Variants in THAP1 observed in about 807,000 individuals in gnomAD.
The protein encoded by THAP1 is THAP domain-containing protein 1.
THAP1 carries 6 observed loss-of-function variants against 18.2 expected under a neutral mutation model. That is an observed-to-expected ratio of 0.33 (90% CI 0.18 to 0.65). THAP1 has a LOEUF of 0.65. Ranked by LOEUF, THAP1 falls within the 30% of genes least tolerant of loss-of-function variation. The pLI, the probability that THAP1 is intolerant of heterozygous loss-of-function variation, is 0.74. For missense variants in THAP1, 176 were observed against 253.0 expected, an observed-to-expected ratio of 0.70 and a Z score of 2.06; for synonymous variants, 85 against 90.5, an observed-to-expected ratio of 0.94 and a Z score of 0.34.
At chr8:42,839,840 T>C (rs1196572142) in intron 1 of THAP1, among the ~76,000 whole-genome samples, 1 of 152,222 alleles carries the variant, frequency 6.6e-6, no homozygotes, top group East Asian at 1.9e-4. Context: ...CCACTGTGCC[T>C]GGCCCTCATT....
At chr8:42,842,762 G>A (rs1802746726) in intron 1 of THAP1, 1 of 183,772 alleles carries the variant, frequency 5.4e-6, no homozygotes, top group African/African-American at 2.4e-5. Context: ...GGCTCCGAAC[G>A]CGTCAACCCA....
At chr8:42,841,489 ATGT>A (rs1198946993) in intron 1 of THAP1, among the ~76,000 whole-genome samples, 1 of 151,960 alleles carries the variant, frequency 6.6e-6, no homozygotes, top group Admixed American at 6.6e-5. Flanking sequence ...GGATTTTGCC[ATGT>A]TGGCCAGGCT....
At position 42,838,187 on chromosome 8, in the gene THAP1, C is replaced by T; in HGVS notation, c.417G>A (p.Val139=). ...LSVFCDHNYT[V]EDTMHQRKRI... ...TTTTCCGCTGGTGCATTGTATCCTC[C>T]ACAGTATAGTTGTGGTCACAGAAAA... Residue 139 remains valine (V), a synonymous_variant, in exon 3 of 3, where the codon GTG becomes GTA. Transcript: ENST00000254250. 1 of 1,614,104 alleles carries T rather than the reference C, an allele frequency of 6.2e-7. No individual in the cohort carries two copies. The highest frequency in any genetic ancestry group is 8.5e-7 in the Non-Finnish European group (1 of 1,180,038).
intron 1 of THAP1, among the ~76,000 whole-genome samples, chr8:42,842,098 T>A (rs1802729373): frequency 6.6e-6 from 1 of 152,244 alleles, no homozygotes; most frequent in Non-Finnish European, 1.5e-5. Flanking sequence ...TACCCCTGGA[T>A]CTGATTTCTT....
At position 42,839,121 on chromosome 8, in the gene THAP1, TTTAATC is replaced by T. The variant is rs1308787780; in HGVS notation, c.267+59_267+64del. On this transcript the variant is annotated intron_variant, in intron 2 of 2. Transcript: ENST00000254250. ...TTAACACTAACTCAATTTTCCACATTTTAATCAATGAACACATCAGTTTGATAAACA... is the reference window on the plus strand; with the variant it reads ...TTAACACTAACTCAATTTTCCACATTAATGAACACATCAGTTTGATAAACA... 112 of 1,570,158 alleles carry T rather than the reference TTTAATC, an allele frequency of 7.1e-5. No individual in the cohort carries two copies. The Middle Eastern group carries it at 1.7e-3, about 23-fold the overall frequency.
intron 1 of THAP1, among the ~76,000 whole-genome samples, chr8:42,839,666 G>A (rs781662756): frequency 1.3e-5 from 2 of 152,166 alleles, no homozygotes; most frequent in Non-Finnish European, 2.9e-5. Flanking sequence ...TCCTGCCTCA[G>A]CCTCCCAAGT....
chr8:42,841,991 A>C (rs1802727259), intron 1 of THAP1, among the ~76,000 whole-genome samples: 1 of 152,226 alleles, frequency 6.6e-6, no homozygotes, highest in African/African-American at 2.4e-5. Flanking sequence ...GCAAAAAAAT[A>C]AATTAACTGA....
Position 42,843,190 on chromosome 8 carries a change from T to C in THAP1, c.-96A>G, listed in dbSNP as rs1802761262. ...GCTCGGTTGGATTCCCTCGCTTCTT[T>C]TGTAGCTTTGGCCAACAGTTACAGT... On this transcript the variant is annotated 5_prime_UTR_variant, in exon 1 of 3. Coordinates refer to ENST00000254250, the MANE Select transcript of THAP1 (RefSeq NM_018105.3). 6.7e-7 allele frequency: 1 copy of C among 1,494,316 alleles called. No individual in the cohort carries two copies. Among genetic ancestry groups the C allele is most frequent in the South Asian group, 1.1e-5 (1 of 88,586 alleles). The allele number at this position is 1,494,316 out of a possible 1,614,324, so 92.6% of individuals were successfully genotyped here. A position where few individuals can be genotyped will look rare whatever the true frequency, so the allele number is the denominator to read the frequency against.
At chr8:42,838,489 C>A (rs1440154351) in intron 2 of THAP1, among the ~76,000 whole-genome samples, 153 bp from the exon 3 acceptor site, 1 of 152,074 alleles carries the variant, frequency 6.6e-6, no homozygotes, top group Non-Finnish European at 1.5e-5. Context: ...GAGTTTGAGA[C>A]CAGCCTGGCC....
Position 42,839,468 on chromosome 8 carries a change from C to T in THAP1, c.72-87G>A, listed in dbSNP as rs1046073047. ...ACTTTCCAGCTTAGGAAATATCTTA[C>T]ATTGGTATTAAAGATGTTACAATTG... is the stretch of plus-strand genomic sequence containing the variant. On this transcript the variant is annotated intron_variant, in intron 1 of 2. Transcript: ENST00000254250. 4.6e-6 allele frequency: 6 copies of T among 1,292,864 alleles called. No individual in the cohort carries two copies. The Admixed American group carries it at 8.9e-5, about 19-fold the overall frequency. 80.1% of individuals were successfully genotyped at this position (1,292,864 alleles called of 1,614,324 possible).
In THAP1 at chr8:42,843,199, T is replaced by C; in HGVS notation, c.-105A>G. 7.0e-7 allele frequency: 1 copy of C among 1,424,240 alleles called. No homozygotes were observed. Among genetic ancestry groups the C allele is most frequent in the Non-Finnish European group, 9.9e-7 (1 of 1,013,702 alleles). 88.2% of individuals were successfully genotyped at this position (1,424,240 alleles called of 1,614,324 possible). The stretch of plus-strand genomic sequence containing the variant: ...GATTCCCTCGCTTCTTTTGTAGCTT[T>C]GGCCAACAGTTACAGTGATGGTGGC... On this transcript the variant is annotated 5_prime_UTR_variant, in exon 1 of 3. Coordinates refer to ENST00000254250, the MANE Select transcript of THAP1 (RefSeq NM_018105.3).
rs998770170 is a variant in THAP1 at position 42,837,460 on chromosome 8, G to A, written c.*502C>T. The A allele has an allele frequency of 1.3e-5, 2 of 152,328 alleles. No individual in the cohort carries two copies. Among genetic ancestry groups the A allele is most frequent in the African/African-American group, 4.8e-5 (2 of 41,402 alleles). 9.4% of individuals were successfully genotyped at this position (152,328 alleles called of 1,614,324 possible). A position where few individuals can be genotyped will look rare whatever the true frequency, so the allele number is the denominator to read the frequency against. On this transcript the variant is annotated 3_prime_UTR_variant, in exon 3 of 3. Coordinates refer to ENST00000254250, the MANE Select transcript of THAP1 (RefSeq NM_018105.3). ...TTATCTTTGATAACTGATTCAGAAA[G>A]ATAAATGAACCTTGTGACTTTACAT...
chr8:42,842,920 C>A, intron 1 of THAP1, 104 bp downstream of exon 1: 1 of 912,226 alleles, frequency 1.1e-6, no homozygotes, highest in Non-Finnish European at 1.4e-6. Flanking sequence ...CCAGACCCCA[C>A]CCGCCCCTCG....
intron 1 of THAP1, 164 bp downstream of exon 1, chr8:42,842,860 G>A (rs1802749954): frequency 5.3e-6 from 2 of 379,274 alleles, no homozygotes; most frequent in Admixed American, 5.7e-5. Context: ...CGCGCGATCG[G>A]GCGGCGGTTC....
At chr8:42,841,448 AC>A (rs1802716129) in intron 1 of THAP1, among the ~76,000 whole-genome samples, 1 of 151,760 alleles carries the variant, frequency 6.6e-6, no homozygotes, top group Non-Finnish European at 1.5e-5. Flanking sequence ...TTACAGGCGT[AC>A]GCCTGTATTT....
chr8:42,839,519 G>A (rs1398185756), intron 1 of THAP1, 138 bp from the exon 2 acceptor site: 1 of 898,350 alleles, frequency 1.1e-6, no homozygotes, highest in Non-Finnish European at 1.7e-6. Context: ...TTAAAGATTA[G>A]CTCTAGTTAT....
At chr8:42,842,988 C>G in intron 1 of THAP1, 36 bp downstream of exon 1, 1 of 1,582,320 alleles carries the variant, frequency 6.3e-7, no homozygotes, top group Non-Finnish European at 8.6e-7. Flanking sequence ...CCCACCCCGG[C>G]TGAGACCGGC....
intron 1 of THAP1, among the ~76,000 whole-genome samples, chr8:42,841,980 A>G (rs866720475): frequency 1.3e-5 from 2 of 152,210 alleles, no homozygotes; most frequent in African/African-American, 4.8e-5. Flanking sequence ...ATGGCCCCAC[A>G]GCAAAAAAAT....
intron 1 of THAP1, among the ~76,000 whole-genome samples, chr8:42,840,124 G>A (rs1230145330): frequency 6.6e-6 from 1 of 152,166 alleles, no homozygotes; most frequent in Non-Finnish European, 1.5e-5. Flanking sequence ...GAGCCTGGGA[G>A]GTCAAGGCTG....
Sources: allele counts gnomAD v4.1 joint callset (sites outside exome capture counted in the v4.1 genomes callset), GRCh38; gene constraint gnomAD v4.1.1; transcripts MANE v1.5; gene names NCBI Gene and HGNC (gene_info 2026-07-23, HGNC 2026-07-21).